YWHAH: variants seen among roughly 807,000 people sequenced by gnomAD.
The protein encoded by YWHAH is tyrosine 3-monooxygenase/tryptophan 5-monooxygenase activation protein eta, also known as 14-3-3 protein eta.
YWHAH carries 6 observed loss-of-function variants against 22.9 expected under a neutral mutation model. The ratio of observed to expected loss-of-function variants is 0.26; its 90% confidence interval spans 0.14 to 0.52. The LOEUF is 0.52. Ranked by LOEUF, YWHAH falls within the 20% of genes least tolerant of loss-of-function variation. The pLI is 0.97. For synonymous variants in YWHAH, 135 were observed against 124.5 expected (o/e 1.08, Z -0.56); for missense variants, 173 against 308.6 (o/e 0.56, Z 3.29).
chr22:31,954,322 TA>T (rs2093846913), intron 1 of YWHAH, among the ~76,000 whole-genome samples: 1 of 152,204 alleles, frequency 6.6e-6, no homozygotes, highest in Admixed American at 6.5e-5. Flanking sequence ...TTAATAAAAT[TA>T]AAGACCTTTA....
rs1275882828 is a variant in YWHAH at position 31,944,604 on chromosome 22, TCCGG to T, written c.-120_-117del. The T allele has an allele frequency of 1.4e-5, 8 of 581,584 alleles. No individual in the cohort carries two copies. Among genetic ancestry groups the T allele is most frequent in the Non-Finnish European group, 1.9e-5 (8 of 431,018 alleles). 36.0% of individuals were successfully genotyped at this position (581,584 alleles called of 1,614,324 possible). A position where few individuals can be genotyped will look rare whatever the true frequency, so the allele number is the denominator to read the frequency against. On this transcript the variant is annotated 5_prime_UTR_variant, in exon 1 of 2. Coordinates refer to ENST00000248975, the MANE Select transcript of YWHAH (RefSeq NM_003405.4). ...TGCCTGCAGCCTGCAGCCTGCAGCC[TCCGG>T]CCGGCCGGCGAGCCAGTGCGCGTGC...
At chr22:31,945,231 AC>A (rs1387325395) in intron 1 of YWHAH, 1 of 1,132,744 alleles carries the variant, frequency 8.8e-7, no homozygotes, top group Non-Finnish European at 1.1e-6. Flanking sequence ...ATAAAGAATC[AC>A]CTAGTAAGTG....
chr22:31,956,924 C>T lies in YWHAH; in HGVS notation c.*132C>T. ...CAGCACAGCTACTCAGATCTGCACT[C>T]CTGTCTCTTGGGAAGCAGTTTCAGA... is the stretch of plus-strand genomic sequence containing the variant. On this transcript the variant is annotated 3_prime_UTR_variant, in exon 2 of 2. Coordinates refer to ENST00000248975, the MANE Select transcript of YWHAH (RefSeq NM_003405.4). This position sits in a 1 kb window ranked among gnomAD's most constrained non-coding sequence, Gnocchi z 5.1. 8.5e-7 allele frequency: 1 copy of T among 1,183,122 alleles called. No homozygotes were observed. Among genetic ancestry groups the T allele is most frequent in the Non-Finnish European group, 1.2e-6 (1 of 867,158 alleles). 73.3% of individuals were successfully genotyped at this position (1,183,122 alleles called of 1,614,324 possible).
At chr22:31,947,011 AAG>A (rs2093835883) in intron 1 of YWHAH, among the ~76,000 whole-genome samples, 1 of 152,158 alleles carries the variant, frequency 6.6e-6, no homozygotes, top group Admixed American at 6.6e-5. Context: ...AAAGAAAAAA[AAG>A]AATATATTGG....
chr22:31,957,404 CTTTTTT>C lies in YWHAH; in HGVS notation c.*621_*626del, dbSNP rs34145379. 1.4e-5 allele frequency: 2 copies of C among 145,410 alleles called. No homozygotes were observed. Among genetic ancestry groups the C allele is most frequent in the Non-Finnish European group, 3.0e-5 (2 of 66,158 alleles). 9.0% of individuals were successfully genotyped at this position (145,410 alleles called of 1,614,324 possible). A position where few individuals can be genotyped will look rare whatever the true frequency, so the allele number is the denominator to read the frequency against. On this transcript the variant is annotated 3_prime_UTR_variant, in exon 2 of 2. Coordinates refer to ENST00000248975, the MANE Select transcript of YWHAH (RefSeq NM_003405.4). ...CATCTGAAAGTTTTGATACTTGTAA[CTTTTTT>C]TTTTTTTTGGTTGCAATTGTTTAAG...
rs771708125 is a variant in YWHAH at position 31,944,761 on chromosome 22, C to G, written c.28C>G (p.Arg10Gly). The G allele has an allele frequency of 9.2e-6, 13 of 1,418,888 alleles. No individual in the cohort carries two copies. The highest frequency in any genetic ancestry group is 1.1e-5 in the Non-Finnish European group (12 of 1,080,340). 87.9% of individuals were successfully genotyped at this position (1,418,888 alleles called of 1,614,324 possible). ...GGGGGACCGGGAGCAGCTGCTGCAG[C>G]GGGCGCGGCTGGCCGAGCAGGCGGA... MGDREQLLQ[R>G]ARLAEQAERY... Residue 10 changes from arginine (R) to glycine (G), a missense_variant, in exon 1 of 2, where the codon CGG (arginine) becomes GGG (glycine). Arg to Gly is a moderately radical substitution (Grantham distance 125). Transcript: ENST00000248975.
At chr22:31,953,842 T>C (rs1348671845) in intron 1 of YWHAH, among the ~76,000 whole-genome samples, 2 of 136,098 alleles carry the variant, frequency 1.5e-5, no homozygotes, top group South Asian at 2.3e-4. Context: ...AGACTTTGCC[T>C]GTGTTAAGGG....
chr22:31,949,741 G>A (rs1385662909), intron 1 of YWHAH, among the ~76,000 whole-genome samples: 3 of 152,180 alleles, frequency 2.0e-5, no homozygotes, highest in Non-Finnish European at 4.4e-5. Flanking sequence ...ATTTTCTCAT[G>A]GTCAAACAGC....
At chr22:31,945,353 C>T (rs1192498074) in intron 1 of YWHAH, 2 of 1,258,214 alleles carry the variant, frequency 1.6e-6, no homozygotes, top group African/African-American at 3.1e-5. Context: ...GCCTGGGGGT[C>T]TGGCTTTGTG....
At position 31,945,380 on chromosome 22, in the gene YWHAH, C is replaced by T. The variant is rs1170720352; in HGVS notation, c.87+560C>T. The T allele has an allele frequency of 3.9e-6, 5 of 1,287,584 alleles. No homozygotes were observed. The Admixed American group carries it at 9.4e-5, about 24-fold the overall frequency. The allele number at this position is 1,287,584 out of a possible 1,614,324, so 79.8% of individuals were successfully genotyped here. On this transcript the variant is annotated intron_variant, in intron 1 of 1. Coordinates refer to ENST00000248975, the MANE Select transcript of YWHAH (RefSeq NM_003405.4). ...GGCTTTGTGTGCGAAGACCCCTTTC[C>T]TGCAGTCTAGGCGTGGACGGGGGCG...
chr22:31,946,260 T>C (rs929196745), intron 1 of YWHAH, among the ~76,000 whole-genome samples: 32 of 152,332 alleles, frequency 2.1e-4, no homozygotes, highest in African/African-American at 7.2e-4. Context: ...GGTCTAGGTC[T>C]GGAGGCTGAA....
intron 1 of YWHAH, chr22:31,945,522 T>C (rs779064839): frequency 7.7e-7 from 1 of 1,304,136 alleles, no homozygotes; most frequent in East Asian, 5.6e-5. Context: ...TGTGTGTCTT[T>C]GCATTCCTGA....
intron 1 of YWHAH, among the ~76,000 whole-genome samples, chr22:31,948,683 A>G (rs945413479): frequency 1.3e-5 from 2 of 152,192 alleles, no homozygotes; most frequent in Admixed American, 1.3e-4. Context: ...CCAGTAGGAA[A>G]TCTTAAAGCC....
chr22:31,957,007 T>C lies in YWHAH; in HGVS notation c.*215T>C. 1 of 585,638 alleles carries C rather than the reference T, an allele frequency of 1.7e-6. No individual in the cohort carries two copies. The highest frequency in any genetic ancestry group is 3.1e-5 in the East Asian group (1 of 32,770). 36.3% of individuals were successfully genotyped at this position (585,638 alleles called of 1,614,324 possible). Reference sequence around the variant, plus strand: ...TTTGAGCCCACAGGAGCTCCCTTTTTGAATTGTGTGGAGAAGTGTGTTCTG... The same window carrying C: ...TTTGAGCCCACAGGAGCTCCCTTTTCGAATTGTGTGGAGAAGTGTGTTCTG... On this transcript the variant is annotated 3_prime_UTR_variant, in exon 2 of 2. Transcript: ENST00000248975.
At chr22:31,945,653 T>A (rs1279555147) in intron 1 of YWHAH, 12 of 1,282,234 alleles carry the variant, frequency 9.4e-6, no homozygotes, top group East Asian at 5.6e-5. Context: ...CATCTCACTC[T>A]CTCTCCACGT....
intron 1 of YWHAH, among the ~76,000 whole-genome samples, chr22:31,947,225 G>A (rs2093836249): frequency 6.6e-6 from 1 of 152,196 alleles, no homozygotes; most frequent in Admixed American, 6.5e-5. Context: ...GTAGCCTGCT[G>A]TAGGGAGGAT....
intron 1 of YWHAH, among the ~76,000 whole-genome samples, chr22:31,955,600 G>T (rs1361907727): frequency 2.0e-5 from 3 of 151,888 alleles, no homozygotes; most frequent in Non-Finnish European, 4.4e-5. Context: ...GTGCCACCAC[G>T]CCCAGCTAAT....
intron 1 of YWHAH, chr22:31,950,200 T>C: frequency 1.8e-6 from 1 of 541,012 alleles, no homozygotes; most frequent in Non-Finnish European, 3.5e-6. Context: ...TTTAAGAAAT[T>C]ATTTCATATT....
In YWHAH at chr22:31,956,693, T is replaced by G; in HGVS notation, c.642T>G (p.Asp214Glu). 2 of 1,614,114 alleles carry G rather than the reference T, an allele frequency of 1.2e-6. No individual in the cohort carries two copies. Among genetic ancestry groups the G allele is most frequent in the Non-Finnish European group, 1.7e-6 (2 of 1,180,002 alleles). ...AIAELDTLNE[D>E]SYKDSTLIMQ... is the part of the protein sequence containing the mutation. ...CTGAGCTGGACACACTAAACGAGGA[T>G]TCCTATAAGGACTCCACGCTGATCA... Residue 214 changes from aspartate (D) to glutamate (E), a missense_variant, in exon 2 of 2, where the codon GAT (aspartate) becomes GAG (glutamate). Asp to Glu is a conservative substitution (Grantham distance 45, BLOSUM62 2). Transcript: ENST00000248975. This position sits in a 1 kb window ranked among gnomAD's most constrained non-coding sequence, Gnocchi z 5.1.
Sources: gnomAD v4.1 joint callset for allele counts (sites outside exome capture counted in the v4.1 genomes callset) on GRCh38, gnomAD v4.1.1 for gene constraint, Gnocchi (gnomAD v3.1) non-coding constraint, MANE v1.5 for transcripts, NCBI Gene and HGNC (gene_info 2026-07-23, HGNC 2026-07-21) for gene names.